RBFOX3: variants seen among roughly 807,000 people sequenced by gnomAD.
RBFOX3 encodes the protein RNA binding fox-1 homolog 3.
RBFOX3 carries 17 observed loss-of-function variants against 48.7 expected under a neutral mutation model. That is an observed-to-expected ratio of 0.35 (90% CI 0.24 to 0.52). The LOEUF (loss-of-function observed/expected upper bound fraction) is 0.52. Ranked by LOEUF, RBFOX3 falls within the 20% of genes least tolerant of loss-of-function variation. The probability of loss-of-function intolerance (pLI) is 0.94; values close to 1 mark genes in which losing one functional copy is unlikely to be tolerated. For missense variants in RBFOX3, 382 were observed against 497.5 expected (o/e 0.77, Z 2.21); for synonymous variants, 212 against 209.5 (o/e 1.01, Z -0.10).
chr17:79,348,104 G>A (rs2083210268), intron 2 of RBFOX3, among the ~76,000 whole-genome samples: 1 of 152,150 alleles, frequency 6.6e-6, no homozygotes. Flanking sequence ...GAGAGATGCG[G>A]CATTCAGAGG....
chr17:79,118,961 G>A (rs1169804805), intron 4 of RBFOX3, among the ~76,000 whole-genome samples: 2 of 145,510 alleles, frequency 1.4e-5, no homozygotes, highest in African/African-American at 5.1e-5. Flanking sequence ...GGGTGACAGA[G>A]GAAACCCCTG....
chr17:79,374,657 G>A (rs766164084), intron 2 of RBFOX3, among the ~76,000 whole-genome samples: 2 of 152,234 alleles, frequency 1.3e-5, no homozygotes, highest in Admixed American at 6.5e-5. Context: ...GGCTCCGTTC[G>A]CATGTTTGCG....
Position 79,325,390 on chromosome 17 carries a change from T to C in RBFOX3, c.-174-17566A>G, listed in dbSNP as rs117941560. Among the ~76,000 whole-genome samples, 356 of 152,274 alleles carry C rather than the reference T, an allele frequency of 2.3e-3. 14 individuals are homozygous for C. In the East Asian group the frequency reaches 0.051, roughly 22 times the overall value. ...CTCATTGAAAGAAAGAGCTATGGCA[T>C]CAGAGGGACTAATTTGAGGAGCCCG... On this transcript the variant is annotated intron_variant, in intron 2 of 14. Transcript: ENST00000693108.
chr17:79,370,345 C>T (rs918956692), intron 2 of RBFOX3, among the ~76,000 whole-genome samples: 10 of 152,242 alleles, frequency 6.6e-5, no homozygotes, highest in African/African-American at 2.4e-4. Context: ...CAGGGCCTCA[C>T]TTGACACTTG....
chr17:79,469,315 T>C (rs2076768238), intron 2 of RBFOX3, among the ~76,000 whole-genome samples: 1 of 152,318 alleles, frequency 6.6e-6, no homozygotes, highest in African/African-American at 2.4e-5. Flanking sequence ...AGTCCAGGTC[T>C]GTGCCCATCT....
At chr17:79,144,422 C>G (rs927564598) in intron 4 of RBFOX3, among the ~76,000 whole-genome samples, 12 of 152,332 alleles carry the variant, frequency 7.9e-5, no homozygotes, top group African/African-American at 2.9e-4. Context: ...AGGTCCCTCC[C>G]CAAGCCTCCT....
intron 2 of RBFOX3, among the ~76,000 whole-genome samples, chr17:79,330,588 T>C (rs1386066548): frequency 2.0e-5 from 3 of 151,608 alleles, no homozygotes; most frequent in Non-Finnish European, 4.4e-5. Flanking sequence ...GGGGGTCTGA[T>C]AGTGGTCCCA....
In RBFOX3 at chr17:79,444,059, C is replaced by T. The variant is rs184628915; in HGVS notation, c.-175+38395G>A. On this transcript the variant is annotated intron_variant, in intron 2 of 14. Transcript: ENST00000693108. Reference sequence around the variant, plus strand: ...CCCTGGCAGGCCCTGCTCACAAATGCACACCTGTATGTTCAGGGTGGCTAC... The same window carrying T: ...CCCTGGCAGGCCCTGCTCACAAATGTACACCTGTATGTTCAGGGTGGCTAC... Among the ~76,000 whole-genome samples, 69 of 152,300 alleles carry T rather than the reference C, an allele frequency of 4.5e-4. 1 individual carries two copies. Among genetic ancestry groups the T allele is most frequent in the Non-Finnish European group, 8.2e-4 (56 of 68,034 alleles).
intron 2 of RBFOX3, among the ~76,000 whole-genome samples, chr17:79,331,526 A>G (rs2080298018): frequency 6.6e-6 from 1 of 152,082 alleles, no homozygotes; most frequent in Non-Finnish European, 1.5e-5. Context: ...ACCCCTGGAG[A>G]ATGTCCTGCC....
chr17:79,161,273 C>T (rs1183606336), intron 4 of RBFOX3, among the ~76,000 whole-genome samples: 3 of 152,102 alleles, frequency 2.0e-5, no homozygotes, highest in Non-Finnish European at 2.9e-5. Flanking sequence ...CGAGTCAAGT[C>T]GCAGAGCCCA....
intron 1 of RBFOX3, among the ~76,000 whole-genome samples, chr17:79,533,894 A>T (rs1448566627): frequency 6.6e-6 from 1 of 152,254 alleles, no homozygotes; most frequent in Non-Finnish European, 1.5e-5. Flanking sequence ...CATTTTGAGC[A>T]TATATACACT....
chr17:79,327,018 C>T (rs1197463834), intron 2 of RBFOX3, among the ~76,000 whole-genome samples: 2 of 152,238 alleles, frequency 1.3e-5, no homozygotes, highest in Non-Finnish European at 2.9e-5. Context: ...CAAGCCCATG[C>T]CTCCTGGCTC....
At chr17:79,494,077 C>T (rs1371153701) in intron 1 of RBFOX3, among the ~76,000 whole-genome samples, 3 of 152,134 alleles carry the variant, frequency 2.0e-5, no homozygotes, top group African/African-American at 7.2e-5. Context: ...TTGAGGCTAG[C>T]CTGGGCAACA....
At chr17:79,340,000 T>C (rs1033185610) in intron 2 of RBFOX3, among the ~76,000 whole-genome samples, 14 of 152,116 alleles carry the variant, frequency 9.2e-5, no homozygotes, top group Admixed American at 8.5e-4. Flanking sequence ...CCTACTGATG[T>C]TAAACTTCTG....
At chr17:79,102,837 G>A (rs1678162390) in intron 8 of RBFOX3, among the ~76,000 whole-genome samples, 1 of 152,202 alleles carries the variant, frequency 6.6e-6, no homozygotes, top group African/African-American at 2.4e-5. Flanking sequence ...CGGGTGGGCT[G>A]GCCATGGTCC....
At chr17:79,515,873 G>A (rs2085179803) in intron 1 of RBFOX3, 1 of 152,306 alleles carries the variant, frequency 6.6e-6, no homozygotes, top group Non-Finnish European at 1.5e-5. Flanking sequence ...GCTGCTGGGT[G>A]GATTGGCTAC....
chr17:79,450,628 G>A (rs2073303454), intron 2 of RBFOX3, among the ~76,000 whole-genome samples: 1 of 151,900 alleles, frequency 6.6e-6, no homozygotes, highest in South Asian at 2.1e-4. Flanking sequence ...TGGGTTTGTT[G>A]GGGTGTGACC....
intron 1 of RBFOX3, among the ~76,000 whole-genome samples, chr17:79,545,447 C>T (rs1213190396): frequency 6.6e-6 from 1 of 152,212 alleles, no homozygotes; most frequent in Non-Finnish European, 1.5e-5. Flanking sequence ...CCACCCCATG[C>T]CCTCTGCCCT....
At chr17:79,101,942 T>A (rs1314433189) in intron 8 of RBFOX3, among the ~76,000 whole-genome samples, 1 of 152,190 alleles carries the variant, frequency 6.6e-6, no homozygotes, top group Non-Finnish European at 1.5e-5. Flanking sequence ...AGCAGCTCCC[T>A]GGTGGACTCT....
Sources: allele counts gnomAD v4.1 joint callset (sites outside exome capture counted in the v4.1 genomes callset), GRCh38; gene constraint gnomAD v4.1.1; transcripts MANE v1.5; gene names NCBI Gene and HGNC (gene_info 2026-07-23, HGNC 2026-07-21).